PIGK: variants seen among roughly 807,000 people sequenced by gnomAD.
PIGK encodes phosphatidylinositol glycan anchor biosynthesis class K.
Under a neutral mutation model 50.6 loss-of-function variants are expected in PIGK, and 42 were observed. That is an observed-to-expected ratio of 0.83 (90% CI 0.65 to 1.07). The LOEUF (loss-of-function observed/expected upper bound fraction) is 1.07, where lower values mean the gene tolerates loss of function less well. PIGK is among the 50% of genes least tolerant of loss of function. The probability of loss-of-function intolerance (pLI) is 0.00; values close to 1 mark genes in which losing one functional copy is unlikely to be tolerated. For missense variants in PIGK, 448 were observed against 488.7 expected, an observed-to-expected ratio of 0.92 and a Z score of 0.78; for synonymous variants, 151 against 156.0, an observed-to-expected ratio of 0.97 and a Z score of 0.24.
chr1:77,098,152 A>G (rs1441952188), intron 10 of PIGK, among the ~76,000 whole-genome samples: 2 of 152,160 alleles, frequency 1.3e-5, no homozygotes, highest in East Asian at 3.9e-4. Context: ...ATGGATTAGC[A>G]TTTGGAAACA....
chr1:77,200,996 C>T (rs1557429897), intron 3 of PIGK, among the ~76,000 whole-genome samples: 1 of 152,104 alleles, frequency 6.6e-6, no homozygotes, highest in African/African-American at 2.4e-5. Flanking sequence ...CAGAAAGCCA[C>T]AAGTATTTTT....
chr1:77,096,228 A>G (rs1477960042), intron 10 of PIGK, among the ~76,000 whole-genome samples: 15 of 152,290 alleles, frequency 9.8e-5, no homozygotes, highest in Non-Finnish European at 1.5e-5. Flanking sequence ...TACAAGGAAC[A>G]TAGTGTTCTA....
chr1:77,120,998 A>C (rs932868189), intron 10 of PIGK, among the ~76,000 whole-genome samples: 2 of 152,208 alleles, frequency 1.3e-5, no homozygotes, highest in Non-Finnish European at 2.9e-5. Flanking sequence ...ATGCTATAAA[A>C]ATATTACTGA....
intron 3 of PIGK, among the ~76,000 whole-genome samples, chr1:77,171,315 T>C (rs988840728): frequency 1.9e-4 from 29 of 151,014 alleles, no homozygotes; most frequent in Non-Finnish European, 3.5e-4. Context: ...CAGGCGCCTG[T>C]AGTCCCAGCT....
intron 9 of PIGK, among the ~76,000 whole-genome samples, chr1:77,146,553 T>C (rs1304202791): frequency 1.3e-5 from 2 of 152,104 alleles, no homozygotes; most frequent in African/African-American, 2.4e-5. Flanking sequence ...CCCAGCACTT[T>C]GGGAGGCAGA....
At chr1:77,125,763 T>G (rs909999454) in intron 9 of PIGK, among the ~76,000 whole-genome samples, 1 of 152,166 alleles carries the variant, frequency 6.6e-6, no homozygotes, top group Admixed American at 6.5e-5. Context: ...GATCTCATTT[T>G]ATTTCAAAAA....
rs1205781517 is a variant in PIGK at position 77,089,281 on chromosome 1, G to A, written c.*3093C>T. ...CTCTTTCTTTGTAGTAAATGCCCTT[G>A]AGTATGAGATGTGACACTGAAGCAA... On this transcript the variant is annotated 3_prime_UTR_variant, in exon 11 of 11. Transcript: ENST00000370812. 4 of 152,222 alleles carry A rather than the reference G, an allele frequency of 2.6e-5. No homozygotes were observed. Among genetic ancestry groups the A allele is most frequent in the Non-Finnish European group, 5.9e-5 (4 of 68,034 alleles). 9.4% of individuals were successfully genotyped at this position (152,222 alleles called of 1,614,324 possible). A position where few individuals can be genotyped will look rare whatever the true frequency, so the allele number is the denominator to read the frequency against.
chr1:77,213,685 T>G (rs866338554), intron 1 of PIGK, among the ~76,000 whole-genome samples: 7 of 150,592 alleles, frequency 4.6e-5, no homozygotes, highest in Admixed American at 2.6e-4. Context: ...AGAAAAGAAA[T>G]AATACAGATC....
intron 3 of PIGK, among the ~76,000 whole-genome samples, chr1:77,203,340 G>A (rs1656214008): frequency 6.6e-6 from 1 of 151,960 alleles, no homozygotes; most frequent in Non-Finnish European, 1.5e-5. Context: ...ATTATTTGAG[G>A]GCAGAAAATT....
intron 9 of PIGK, among the ~76,000 whole-genome samples, chr1:77,150,229 A>C (rs904041492): frequency 1.3e-5 from 2 of 152,104 alleles, no homozygotes; most frequent in African/African-American, 4.8e-5. Flanking sequence ...AAAAGAAATA[A>C]GGATCAGACT....
intron 3 of PIGK, among the ~76,000 whole-genome samples, chr1:77,192,177 C>T (rs189264653): frequency 7.2e-4 from 109 of 151,940 alleles, no homozygotes; most frequent in African/African-American, 2.6e-3. Flanking sequence ...TATAGGGACA[C>T]AACACTAGTC....
intron 9 of PIGK, among the ~76,000 whole-genome samples, chr1:77,127,205 T>G (rs191270857): frequency 1.3e-5 from 2 of 152,324 alleles, no homozygotes; most frequent in East Asian, 3.9e-4. Flanking sequence ...GTCTTTACAA[T>G]CCCCCTGTGC....
At chr1:77,149,006 C>A (rs35799710) in intron 9 of PIGK, among the ~76,000 whole-genome samples, 1 of 152,046 alleles carries the variant, frequency 6.6e-6, no homozygotes, top group Non-Finnish European at 1.5e-5. Flanking sequence ...TGAGCCACCA[C>A]GCCCAGCCAT....
At chr1:77,181,044 G>A (rs1203886723) in intron 3 of PIGK, among the ~76,000 whole-genome samples, 1 of 151,922 alleles carries the variant, frequency 6.6e-6, no homozygotes, top group African/African-American at 2.4e-5. Context: ...TAGAATATCT[G>A]GATCATGCCT....
intron 3 of PIGK, among the ~76,000 whole-genome samples, chr1:77,191,561 A>G (rs1655904424): frequency 6.6e-6 from 1 of 152,262 alleles, no homozygotes. Flanking sequence ...GTATGCAAAC[A>G]TCACTAATAT....
chr1:77,112,038 G>A (rs1653860213), intron 10 of PIGK, among the ~76,000 whole-genome samples: 1 of 151,894 alleles, frequency 6.6e-6, no homozygotes, highest in South Asian at 2.1e-4. Context: ...GAAAATCTGT[G>A]TTTATCTAAG....
In PIGK at chr1:77,092,249, C is replaced by A; in HGVS notation, c.*125G>T. On this transcript the variant is annotated 3_prime_UTR_variant, in exon 11 of 11. Transcript: ENST00000370812. ...TAAGTTATAAAATTAATAGTTGATT[C>A]AAATTTAGTTTCCTTATACTTATTT... The A allele has an allele frequency of 1.9e-6, 1 of 514,084 alleles. No homozygotes were observed. The highest frequency in any genetic ancestry group is 3.5e-6 in the Non-Finnish European group (1 of 289,506). 31.8% of individuals were successfully genotyped at this position (514,084 alleles called of 1,614,324 possible). A position where few individuals can be genotyped will look rare whatever the true frequency, so the allele number is the denominator to read the frequency against.
chr1:77,150,210 T>C (rs959924937), intron 9 of PIGK, among the ~76,000 whole-genome samples: 4 of 151,718 alleles, frequency 2.6e-5, no homozygotes, highest in Non-Finnish European at 5.9e-5. Context: ...AATCCAAAAT[T>C]AGTAGAAGAA....
intron 3 of PIGK, among the ~76,000 whole-genome samples, chr1:77,204,674 ACCGG>A (rs1475975727): frequency 6.6e-6 from 1 of 152,048 alleles, no homozygotes; most frequent in East Asian, 1.9e-4. Context: ...TATTTCTCAG[ACCGG>A]CCGACACTTA....
Sources: allele counts gnomAD v4.1 joint callset (sites outside exome capture counted in the v4.1 genomes callset), GRCh38; gene constraint gnomAD v4.1.1; transcripts MANE v1.5; gene names NCBI Gene and HGNC (gene_info 2026-07-23, HGNC 2026-07-21).